The following PDPK1 variants were observed in gnomAD, a reference collection of about 807,000 sequenced individuals.
PDPK1 encodes 3-phosphoinositide-dependent protein kinase 1.
Under a neutral mutation model 39.8 loss-of-function variants are expected in PDPK1, and 7 were observed. The observed-to-expected ratio is 0.18, with a 90% CI of 0.10 to 0.33. The LOEUF is 0.33. Among genes scored for constraint, PDPK1 ranks in the 10% least tolerant of loss-of-function variants. The pLI, the probability that PDPK1 is intolerant of heterozygous loss-of-function variation, is 1.00. For synonymous variants in PDPK1, 118 were observed against 159.1 expected, an observed-to-expected ratio of 0.74 and a Z score of 1.95; for missense variants, 182 against 384.7, an observed-to-expected ratio of 0.47 and a Z score of 4.41.
intron 11 of PDPK1, 32 bp downstream of exon 11, chr16:2,586,925 T>C (rs992297220): frequency 1.1e-5 from 18 of 1,580,356 alleles, no homozygotes; most frequent in Non-Finnish European, 1.4e-5. Context: ...CAATGCTTTT[T>C]GCAGAATTGC....
rs2067154350 is a variant in PDPK1 at position 2,598,766 on chromosome 16, C to A, written c.*999C>A. 8.6e-6 allele frequency: 2 copies of A among 233,192 alleles called. No individual in the cohort carries two copies. The highest frequency in any genetic ancestry group is 1.8e-4 in the South Asian group (1 of 5,540). The allele number at this position is 233,192 out of a possible 1,614,324, so 14.4% of individuals were successfully genotyped here. ...TTGCTGAAGTAGGGTCTGAGAGAACCCTGGCATCAGCAGACCCAGGGTGCT... is the reference window on the plus strand; with the variant it reads ...TTGCTGAAGTAGGGTCTGAGAGAACACTGGCATCAGCAGACCCAGGGTGCT... On this transcript the variant is annotated 3_prime_UTR_variant, in exon 14 of 14. Transcript: ENST00000342085.
Position 2,602,320 on chromosome 16 carries a change from G to C in PDPK1, c.*4553G>C, listed in dbSNP as rs2067233662. The C allele has an allele frequency of 4.3e-6, 1 of 234,642 alleles. No individual in the cohort carries two copies. Among genetic ancestry groups the C allele is most frequent in the Non-Finnish European group, 8.5e-6 (1 of 118,034 alleles). 14.5% of individuals were successfully genotyped at this position (234,642 alleles called of 1,614,324 possible). On this transcript the variant is annotated 3_prime_UTR_variant, in exon 14 of 14. Coordinates refer to ENST00000342085, the MANE Select transcript of PDPK1 (RefSeq NM_002613.5). ...CCCAAAATTGCAGGGTTGTAGATGA[G>C]GCTGCCTGTGGAGAACTGGTGTGAG... is the stretch of plus-strand genomic sequence containing the variant.
chr16:2,597,759 G>A lies in PDPK1; in HGVS notation c.1663G>A (p.Val555Met). The change falls in exon 14 of 14, where the codon GTG (valine) becomes ATG (methionine). Residue 555 changes from valine (V) to methionine (M), a missense_variant. Transcript: ENST00000342085. The surrounding 1 kb of genome is among the most constrained non-coding windows in gnomAD (Gnocchi z 6.3). ...ATACCAGAGCCACCCGGACGCCGCTGTGCAGTGACGTGGCCTGCGGCCGGG... is the reference window on the plus strand; with the variant it reads ...ATACCAGAGCCACCCGGACGCCGCTATGCAGTGACGTGGCCTGCGGCCGGG... ...QRYQSHPDAA[V>M]Q 1 of 1,608,168 alleles carries A rather than the reference G, an allele frequency of 6.2e-7. No homozygotes were observed. The highest frequency in any genetic ancestry group is 1.1e-5 in the South Asian group (1 of 90,942).
rs551293304 is a variant in PDPK1 at position 2,597,719 on chromosome 16, G to C, written c.1623G>C (p.Glu541Asp). The change falls in exon 14 of 14, where the codon GAG becomes GAC. Residue 541 changes from glutamate (E) to aspartate (D), a missense_variant. Coordinates refer to ENST00000342085, the MANE Select transcript of PDPK1 (RefSeq NM_002613.5). This position sits in a 1 kb window ranked among gnomAD's most constrained non-coding sequence, Gnocchi z 6.3. ...ACAAGTGGTGCAGGAAGATCCAGGA[G>C]GTTTGGAGGCAGCGATACCAGAGCC... ...NAHKWCRKIQ[E>D]VWRQRYQSHP... 1.9e-6 allele frequency: 3 copies of C among 1,613,694 alleles called. No homozygotes were observed. The South Asian group carries it at 3.3e-5, about 18-fold the overall frequency.
In PDPK1 at chr16:2,597,851, A is replaced by C. The variant is rs1597079886; in HGVS notation, c.*84A>C. 2.5e-6 allele frequency: 2 copies of C among 813,484 alleles called. No homozygotes were observed. The allele number at this position is 813,484 out of a possible 1,614,324, so 50.4% of individuals were successfully genotyped here. On this transcript the variant is annotated 3_prime_UTR_variant, in exon 14 of 14. Transcript: ENST00000342085. The surrounding 1 kb of genome is among the most constrained non-coding windows in gnomAD (Gnocchi z 6.3). ...CCGCCATCCGGGACGCTTCCAGACC[A>C]CCTGCCAGCCATCACAAGGGGAACG...
chr16:2,545,683 C>T (rs377480408), intron 1 of PDPK1, among the ~76,000 whole-genome samples: 94 of 152,262 alleles, frequency 6.2e-4, no homozygotes, highest in African/African-American at 2.2e-3. Context: ...TCAGTAGAGA[C>T]GGCGTTTTAC....
At position 2,598,034 on chromosome 16, in the gene PDPK1, G is replaced by A. The variant is rs1024809062; in HGVS notation, c.*267G>A. On this transcript the variant is annotated 3_prime_UTR_variant, in exon 14 of 14. Coordinates refer to ENST00000342085, the MANE Select transcript of PDPK1 (RefSeq NM_002613.5). ...GAGGCCTCCGTGTGCCCTCGTTGCC[G>A]TGGGGACCCAGCTCCATGCACGTCA... 1.6e-5 allele frequency: 8 copies of A among 507,860 alleles called. No individual in the cohort carries two copies. Among genetic ancestry groups the A allele is most frequent in the African/African-American group, 7.6e-5 (4 of 52,336 alleles). The allele number at this position is 507,860 out of a possible 1,614,324, so 31.5% of individuals were successfully genotyped here.
At position 2,586,419 on chromosome 16, in the gene PDPK1, G is replaced by T. The variant is rs548101368; in HGVS notation, c.1126-257G>T. 2.2e-3 allele frequency among the ~76,000 whole-genome samples: 337 copies of T among 152,380 alleles called. No homozygotes were observed. The highest frequency in any genetic ancestry group is 4.0e-3 in the Non-Finnish European group (273 of 68,032). On this transcript the variant is annotated intron_variant, in intron 10 of 13. Transcript: ENST00000342085. Reference sequence around the variant, plus strand: ...AGGGCCCAGGTCCCCTCTTCCTGGAGAGGAAATCTGAGGCTTCGCCCCTCT... The same window carrying T: ...AGGGCCCAGGTCCCCTCTTCCTGGATAGGAAATCTGAGGCTTCGCCCCTCT...
chr16:2,545,415 T>C (rs1265193637), intron 1 of PDPK1, among the ~76,000 whole-genome samples: 5 of 152,012 alleles, frequency 3.3e-5, no homozygotes, highest in Non-Finnish European at 7.4e-5. Context: ...CACTGCAGCC[T>C]TGAACTCCCT....
At position 2,598,202 on chromosome 16, in the gene PDPK1, C is replaced by T. The variant is rs1597080368; in HGVS notation, c.*435C>T. ...ACCGGGTGTGTTTGGCTCTTTATGCCCCTCCCGCTGTGGTCCTGGAACTCT... is the reference window on the plus strand; with the variant it reads ...ACCGGGTGTGTTTGGCTCTTTATGCTCCTCCCGCTGTGGTCCTGGAACTCT... On this transcript the variant is annotated 3_prime_UTR_variant, in exon 14 of 14. Transcript: ENST00000342085. 3 of 239,090 alleles carry T rather than the reference C, an allele frequency of 1.3e-5. No homozygotes were observed. In the East Asian group the frequency reaches 1.8e-4, roughly 14 times the overall value. 14.8% of individuals were successfully genotyped at this position (239,090 alleles called of 1,614,324 possible).
Position 2,597,595 on chromosome 16 carries a change from G to A in PDPK1, c.1555-56G>A, listed in dbSNP as rs2067129571. 1.1e-5 allele frequency: 14 copies of A among 1,243,284 alleles called. No individual in the cohort carries two copies. In the South Asian group the frequency reaches 1.6e-4, roughly 14 times the overall value. The allele number at this position is 1,243,284 out of a possible 1,614,324, so 77.0% of individuals were successfully genotyped here. A position where few individuals can be genotyped will look rare whatever the true frequency, so the allele number is the denominator to read the frequency against. On this transcript the variant is annotated intron_variant, in intron 13 of 13. Transcript: ENST00000342085. This position sits in a 1 kb window ranked among gnomAD's most constrained non-coding sequence, Gnocchi z 6.3. ...GGTCGCAGGCAGCTCACCAGGTTGGGGTGGGGGTTTTGGTGGGACTCCCTG... is the reference window on the plus strand; with the variant it reads ...GGTCGCAGGCAGCTCACCAGGTTGGAGTGGGGGTTTTGGTGGGACTCCCTG...
chr16:2,578,123 G>A (rs1265429108), intron 7 of PDPK1, among the ~76,000 whole-genome samples: 3 of 148,978 alleles, frequency 2.0e-5, no homozygotes, highest in Non-Finnish European at 2.9e-5. Flanking sequence ...GCTGCCCCCC[G>A]TCGGGGTGGA....
chr16:2,599,438 A>G lies in PDPK1; in HGVS notation c.*1671A>G, dbSNP rs1003090338. On this transcript the variant is annotated 3_prime_UTR_variant, in exon 14 of 14. Transcript: ENST00000342085. Reference sequence around the variant, plus strand: ...GTACAGACGGGGCCTGGGAGGGGGCAGAGATGTTCCCCAGGCCCTGCCTGT... The same window carrying G: ...GTACAGACGGGGCCTGGGAGGGGGCGGAGATGTTCCCCAGGCCCTGCCTGT... 4.3e-6 allele frequency: 1 copy of G among 230,858 alleles called. No individual in the cohort carries two copies. Among genetic ancestry groups the G allele is most frequent in the Non-Finnish European group, 8.6e-6 (1 of 116,606 alleles). 14.3% of individuals were successfully genotyped at this position (230,858 alleles called of 1,614,324 possible).
intron 2 of PDPK1, among the ~76,000 whole-genome samples, chr16:2,560,759 CA>C (rs1462295230): frequency 7.1e-6 from 1 of 140,148 alleles, no homozygotes; most frequent in Non-Finnish European, 1.5e-5. Flanking sequence ...CAGGAATCTC[CA>C]GTCTGGTGCC....
chr16:2,593,094 G>T lies in PDPK1; in HGVS notation c.1344-2699G>T, dbSNP rs978537669. The T allele has an allele frequency of 1.1e-5, 5 of 455,794 alleles. No homozygotes were observed. The highest frequency in any genetic ancestry group is 1.8e-5 in the Non-Finnish European group (4 of 226,964). The allele number at this position is 455,794 out of a possible 1,614,324, so 28.2% of individuals were successfully genotyped here. ...GTACTATTTCCGAATCGCTTCCTCAGTGAGTCCTCCCCAGGCTGCAGGTGC... is the reference window on the plus strand; with the variant it reads ...GTACTATTTCCGAATCGCTTCCTCATTGAGTCCTCCCCAGGCTGCAGGTGC... On this transcript the variant is annotated intron_variant, in intron 11 of 13. Transcript: ENST00000342085. This position sits in a 1 kb window ranked among gnomAD's most constrained non-coding sequence, Gnocchi z 4.2.
In PDPK1 at chr16:2,592,767, C is replaced by A. The variant is rs139795786; in HGVS notation, c.1344-3026C>A. On this transcript the variant is annotated intron_variant, in intron 11 of 13. Transcript: ENST00000342085. ...GGCAGGTGAATCCGCTGCACACACG[C>A]TGTGCTCTAGATGCCGCCAGTGGAG... is the stretch of plus-strand genomic sequence containing the variant. The A allele has an allele frequency of 1.4e-4, 65 of 455,196 alleles. 2 individuals carry two copies. The Middle Eastern group carries it at 4.4e-3, about 31-fold the overall frequency. 28.2% of individuals were successfully genotyped at this position (455,196 alleles called of 1,614,324 possible). A position where few individuals can be genotyped will look rare whatever the true frequency, so the allele number is the denominator to read the frequency against.
intron 2 of PDPK1, among the ~76,000 whole-genome samples, chr16:2,559,880 C>G (rs966281131): frequency 6.6e-6 from 1 of 151,632 alleles, no homozygotes; most frequent in African/African-American, 2.4e-5. Context: ...CGGGAGAGCA[C>G]GGTGAGCCGG....
At chr16:2,545,232 T>C (rs2066319571) in intron 1 of PDPK1, among the ~76,000 whole-genome samples, 1 of 151,958 alleles carries the variant, frequency 6.6e-6, no homozygotes, top group Non-Finnish European at 1.5e-5. Context: ...GAGGTGGAAT[T>C]TTATTGTAAC....
rs554095762 is a variant in PDPK1, at chr16:2,602,832, T to G, written c.*5065T>G. 1.3e-5 allele frequency: 3 copies of G among 234,134 alleles called. No homozygotes were observed. In the Admixed American group the frequency reaches 1.7e-4, roughly 13 times the overall value. The allele number at this position is 234,134 out of a possible 1,614,324, so 14.5% of individuals were successfully genotyped here. A position where few individuals can be genotyped will look rare whatever the true frequency, so the allele number is the denominator to read the frequency against. ...GCAATGATACTAGGATATACACTTT[T>G]GTATTTTTATTCTTATATAAGGTTA... On this transcript the variant is annotated 3_prime_UTR_variant, in exon 14 of 14. Coordinates refer to ENST00000342085, the MANE Select transcript of PDPK1 (RefSeq NM_002613.5).
Sources: gnomAD v4.1 joint callset for allele counts (sites outside exome capture counted in the v4.1 genomes callset) on GRCh38, gnomAD v4.1.1 for gene constraint, Gnocchi (gnomAD v3.1) non-coding constraint, MANE v1.5 for transcripts, NCBI Gene and HGNC (gene_info 2026-07-23, HGNC 2026-07-21) for gene names.